Variants in PSME3 observed in about 807,000 individuals in gnomAD.
The protein encoded by PSME3 is proteasome activator subunit 3.
In PSME3, 7 loss-of-function variants were observed where a neutral mutation model predicts 38.3. The ratio of observed to expected loss-of-function variants is 0.18; its 90% CI spans 0.10 to 0.34. The LOEUF (loss-of-function observed/expected upper bound fraction) is 0.34. Ranked by LOEUF, PSME3 falls within the 10% of genes least tolerant of loss-of-function variation. PSME3 has a pLI of 1.00. For synonymous variants in PSME3, 108 were observed against 105.7 expected (o/e 1.02, Z -0.13); for missense variants, 192 against 307.6 (o/e 0.62, Z 2.81).
intron 4 of PSME3, among the ~76,000 whole-genome samples, chr17:42,837,399 G>C (rs567838696): frequency 1.3e-5 from 2 of 151,688 alleles, no homozygotes. Flanking sequence ...TGGCTAGGCT[G>C]GTCTCAAACT....
At position 42,833,457 on chromosome 17, in the gene PSME3, G is replaced by A; in HGVS notation, c.-175G>A. 1 of 704,736 alleles carries A rather than the reference G, an allele frequency of 1.4e-6. No individual in the cohort carries two copies. The allele number at this position is 704,736 out of a possible 1,614,324, so 43.7% of individuals were successfully genotyped here. A position where few individuals can be genotyped will look rare whatever the true frequency, so the allele number is the denominator to read the frequency against. ...CGAGCGAGAGAGCAAGCAGGCAGCA[G>A]GCTGCCGGCGGGCGGGCGGACGGCA... On this transcript the variant is annotated 5_prime_UTR_variant, in exon 1 of 11. Transcript: ENST00000590720.
At chr17:42,837,353 T>C (rs774971533) in intron 4 of PSME3, among the ~76,000 whole-genome samples, 8 of 150,496 alleles carry the variant, frequency 5.3e-5, no homozygotes, top group Non-Finnish European at 1.0e-4. Context: ...CTGGCTAACT[T>C]TTTGTATTTT....
chr17:42,838,256 AGTGC>A, intron 6 of PSME3, 51 bp downstream of exon 6: 1 of 1,609,948 alleles, frequency 6.2e-7, no homozygotes. Context: ...CCCCACCTGA[AGTGC>A]AAAAAACAGT....
At chr17:42,839,404 A>G (rs770323825) in intron 10 of PSME3, 24 bp downstream of exon 10, 37 of 1,553,252 alleles carry the variant, frequency 2.4e-5, no homozygotes, top group Non-Finnish European at 2.8e-5. Context: ...GTCCTTGTCC[A>G]TAGTTGCTGT....
Position 42,834,812 on chromosome 17 carries a change from C to T in PSME3, c.179C>T (p.Ser60Phe). ...ATCCATGACCTAACTCAGATCCACTCTGACATGAATCTCCCAGTCCCTGAC... is the reference window on the plus strand; with the variant it reads ...ATCCATGACCTAACTCAGATCCACTTTGACATGAATCTCCCAGTCCCTGAC... ...LNIHDLTQIH[S>F]DMNLPVPDPI... Residue 60 changes from serine to phenylalanine, a missense_variant, in exon 4 of 11, where the codon TCT becomes TTT. Coordinates refer to ENST00000590720, the MANE Select transcript of PSME3 (RefSeq NM_005789.4). 1 of 1,614,122 alleles carries T rather than the reference C, an allele frequency of 6.2e-7. No homozygotes were observed. The highest frequency in any genetic ancestry group is 8.5e-7 in the Non-Finnish European group (1 of 1,180,008).
In PSME3 at chr17:42,833,559, G is replaced by A; in HGVS notation, c.-73G>A. On this transcript the variant is annotated 5_prime_UTR_variant, in exon 1 of 11. Transcript: ENST00000590720. ...CCCGAGGTCAGCCGAGATTTCTCAG[G>A]TCCCTCCGGCCCCCTCCCTGGAGTC... is the stretch of plus-strand genomic sequence containing the variant. 1 of 1,594,704 alleles carries A rather than the reference G, an allele frequency of 6.3e-7. No individual in the cohort carries two copies. The highest frequency in any genetic ancestry group is 8.6e-7 in the Non-Finnish European group (1 of 1,163,998).
rs763048954 is a variant in PSME3, at chr17:42,838,807, A to T, written c.474+8A>T. 1.4e-5 allele frequency: 23 copies of T among 1,589,316 alleles called. No homozygotes were observed. Among genetic ancestry groups the T allele is most frequent in the Non-Finnish European group, 2.0e-5 (23 of 1,157,720 alleles). ...TTTGGGGTGTCCATTCAGGTAATGT[A>T]CTTGAATTACATACTGGGAAGAGTG... On this transcript the variant is annotated splice_region_variant and intron_variant, in intron 7 of 10. Transcript: ENST00000590720.
chr17:42,837,527 G>A (rs2144249316), intron 4 of PSME3, 122 bp from the exon 5 acceptor site: 1 of 1,080,830 alleles, frequency 9.3e-7, no homozygotes, highest in South Asian at 1.3e-5. Flanking sequence ...TTAGGAAATT[G>A]TGCAGAAATT....
chr17:42,837,524 A>G (rs886875239), intron 4 of PSME3, 125 bp from the exon 5 acceptor site: 2 of 1,067,274 alleles, frequency 1.9e-6, no homozygotes, highest in Admixed American at 3.7e-5. Flanking sequence ...TACTTAGGAA[A>G]TTGTGCAGAA....
chr17:42,833,963 C>T (rs2055430657), intron 1 of PSME3: 2 of 1,440,118 alleles, frequency 1.4e-6, no homozygotes, highest in African/African-American at 1.4e-5. Flanking sequence ...CCAACAACGT[C>T]CCTGGACACT....
rs1341433139 is a variant in PSME3, at chr17:42,842,291, A to G, written c.*713A>G. 6.6e-6 allele frequency: 1 copy of G among 152,238 alleles called. No homozygotes were observed. Among genetic ancestry groups the G allele is most frequent in the African/African-American group, 2.4e-5 (1 of 41,244 alleles). 9.4% of individuals were successfully genotyped at this position (152,238 alleles called of 1,614,324 possible). A position where few individuals can be genotyped will look rare whatever the true frequency, so the allele number is the denominator to read the frequency against. Reference sequence around the variant, plus strand: ...AGCTAACATACCCTCCCTCTCCACAACCCCTGTCACATACCTTTCAGGAGG... The same window carrying G: ...AGCTAACATACCCTCCCTCTCCACAGCCCCTGTCACATACCTTTCAGGAGG... On this transcript the variant is annotated 3_prime_UTR_variant, in exon 11 of 11. Coordinates refer to ENST00000590720, the MANE Select transcript of PSME3 (RefSeq NM_005789.4).
chr17:42,840,156 G>A (rs2055513960), intron 10 of PSME3, among the ~76,000 whole-genome samples: 1 of 151,370 alleles, frequency 6.6e-6, no homozygotes, highest in Admixed American at 6.6e-5. Context: ...GGCGGCACAT[G>A]CCTTTAATCG....
rs2055554883 is a variant in PSME3 at position 42,843,135 on chromosome 17, G to C, written c.*1557G>C. On this transcript the variant is annotated 3_prime_UTR_variant, in exon 11 of 11. Transcript: ENST00000590720. ...AGTTTCCCGTTTCGTTTGTTGGACT[G>C]TTCCACTGCCCCTCCTCCTCACCCT... The C allele has an allele frequency of 6.6e-6, 1 of 152,590 alleles. No individual in the cohort carries two copies. 9.5% of individuals were successfully genotyped at this position (152,590 alleles called of 1,614,324 possible). A position where few individuals can be genotyped will look rare whatever the true frequency, so the allele number is the denominator to read the frequency against.
Position 42,833,490 on chromosome 17 carries a change from A to G in PSME3, c.-142A>G, listed in dbSNP as rs1014602754. ...GCGGGCGGGCGGACGGCACAGAGGG[A>G]GGGAGCGAGCGAGCAGTGAGTAAGC... On this transcript the variant is annotated 5_prime_UTR_variant, in exon 1 of 11. Coordinates refer to ENST00000590720, the MANE Select transcript of PSME3 (RefSeq NM_005789.4). 2 of 989,442 alleles carry G rather than the reference A, an allele frequency of 2.0e-6. No individual in the cohort carries two copies. Among genetic ancestry groups the G allele is most frequent in the Non-Finnish European group, 3.1e-6 (2 of 654,980 alleles). The allele number at this position is 989,442 out of a possible 1,614,324, so 61.3% of individuals were successfully genotyped here.
chr17:42,842,475 T>G lies in PSME3; in HGVS notation c.*897T>G, dbSNP rs2055545822. ...GCCTGTTCCTCTCTGACTCAGCCCT[T>G]TTTGGCATTATTGCAAGAGCTTGAC... On this transcript the variant is annotated 3_prime_UTR_variant, in exon 11 of 11. Transcript: ENST00000590720. The G allele has an allele frequency of 6.5e-6, 1 of 152,824 alleles. No homozygotes were observed. The highest frequency in any genetic ancestry group is 2.4e-5 in the African/African-American group (1 of 41,444). 9.5% of individuals were successfully genotyped at this position (152,824 alleles called of 1,614,324 possible). A position where few individuals can be genotyped will look rare whatever the true frequency, so the allele number is the denominator to read the frequency against.
At chr17:42,835,705 A>C (rs1430368276) in intron 4 of PSME3, among the ~76,000 whole-genome samples, 2 of 151,314 alleles carry the variant, frequency 1.3e-5, no homozygotes, top group Admixed American at 1.3e-4. Flanking sequence ...AGCCTGGGCG[A>C]CAGAGCGAGA....
Position 42,838,137 on chromosome 17 carries a change from C to G in PSME3, c.337C>G (p.Gln113Glu). The G allele has an allele frequency of 4.3e-6, 7 of 1,614,094 alleles. No individual in the cohort carries two copies. Among genetic ancestry groups the G allele is most frequent in the South Asian group, 1.1e-5 (1 of 91,076 alleles). ...VMPNGMLKSNQQLVDIIEKVK... is the reference protein window; with the variant it reads ...VMPNGMLKSNEQLVDIIEKVK... Reference sequence around the variant, plus strand: ...GCCCAATGGGATGCTGAAAAGCAACCAGCAGCTGGTGGACATTATTGAGAA... The same window carrying G: ...GCCCAATGGGATGCTGAAAAGCAACGAGCAGCTGGTGGACATTATTGAGAA... Residue 113 changes from glutamine to glutamate, a missense_variant, in exon 6 of 11, where the codon CAG (glutamine) becomes GAG (glutamate). By Grantham distance (29) the Gln-to-Glu change is conservative. Transcript: ENST00000590720.
intron 1 of PSME3, chr17:42,834,037 G>T: frequency 3.5e-6 from 5 of 1,439,866 alleles, no homozygotes; most frequent in Non-Finnish European, 4.5e-6. Flanking sequence ...GGGTTGGCAC[G>T]TTTGTGAGCT....
chr17:42,837,042 G>A (rs1355364881), intron 4 of PSME3, among the ~76,000 whole-genome samples: 1 of 151,136 alleles, frequency 6.6e-6, no homozygotes, highest in Non-Finnish European at 1.5e-5. Context: ...CACCACACCC[G>A]GCTAATTTTT....
Sources: gnomAD v4.1 joint callset for allele counts (sites outside exome capture counted in the v4.1 genomes callset) on GRCh38, gnomAD v4.1.1 for gene constraint, MANE v1.5 for transcripts, NCBI Gene and HGNC (gene_info 2026-07-23, HGNC 2026-07-21) for gene names.